Variants in ZSWIM6 observed in about 807,000 individuals in gnomAD.
ZSWIM6 encodes the protein zinc finger SWIM-type containing 6.
Under a neutral mutation model 113.2 loss-of-function variants are expected in ZSWIM6, and 9 were observed. The ratio of observed to expected loss-of-function variants is 0.08; its 90% CI spans 0.05 to 0.14. ZSWIM6 has a LOEUF of 0.14. Ranked by LOEUF, ZSWIM6 falls within the 10% of genes least tolerant of loss-of-function variation. ZSWIM6 has a pLI of 1.00. For synonymous variants in ZSWIM6, 611 were observed against 606.5 expected (o/e 1.01, Z -0.11); for missense variants, 1,162 against 1,552.2 (o/e 0.75, Z 4.22).
chr5:61,392,791 T>C lies in ZSWIM6; in HGVS notation c.676+59843T>C, dbSNP rs1745750910. Among the ~76,000 whole-genome samples the C allele has an allele frequency of 1.3e-5, 2 of 151,968 alleles. 1 individual carries two copies. Among genetic ancestry groups the C allele is most frequent in the Admixed American group, 1.3e-4 (2 of 15,268 alleles). ...CCACCCCCTGCTAATTTTGTATTTT[T>C]AGTAGAGACAGGGTTTCTCCATGTT... is the stretch of plus-strand genomic sequence containing the variant. On this transcript the variant is annotated intron_variant, in intron 1 of 13. Transcript: ENST00000252744.
At chr5:61,370,252 A>G (rs574272645) in intron 1 of ZSWIM6, among the ~76,000 whole-genome samples, 1 of 152,300 alleles carries the variant, frequency 6.6e-6, no homozygotes, top group South Asian at 2.1e-4. Context: ...CTCCCCTCCC[A>G]TTATTTAAAA....
At chr5:61,345,890 T>G (rs1409702375) in intron 1 of ZSWIM6, among the ~76,000 whole-genome samples, 1 of 152,206 alleles carries the variant, frequency 6.6e-6, no homozygotes, top group Non-Finnish European at 1.5e-5. Context: ...TAGTGAAAGG[T>G]GAATTGCTTG....
intron 1 of ZSWIM6, among the ~76,000 whole-genome samples, chr5:61,470,703 A>C (rs13171497): frequency 0.37 from 56,647 of 152,060 alleles, 10,688 homozygotes; most frequent in South Asian, 0.43. Flanking sequence ...TGAAAAAAAA[A>C]CCAAAGATTA....
intron 1 of ZSWIM6, among the ~76,000 whole-genome samples, chr5:61,433,424 A>G (rs1012339427): frequency 2.6e-5 from 4 of 151,864 alleles, no homozygotes; most frequent in African/African-American, 9.7e-5. Flanking sequence ...TGTAGTATAT[A>G]ATAGCTTAGC....
intron 1 of ZSWIM6, among the ~76,000 whole-genome samples, chr5:61,336,448 A>G (rs909686538): frequency 6.6e-6 from 1 of 152,176 alleles, no homozygotes; most frequent in Admixed American, 6.5e-5. Context: ...TGGAAAAGAG[A>G]TAAATTTAAT....
intron 1 of ZSWIM6, chr5:61,375,844 G>C: frequency 2.0e-6 from 2 of 976,140 alleles, no homozygotes; most frequent in Non-Finnish European, 3.2e-6. Context: ...TTCAAGTCCT[G>C]ACTCACCGTA....
chr5:61,496,106 T>C (rs930988526), intron 4 of ZSWIM6, among the ~76,000 whole-genome samples: 4 of 152,120 alleles, frequency 2.6e-5, no homozygotes, highest in African/African-American at 4.8e-5. Flanking sequence ...ATCAGAAATA[T>C]AAATTTTTAT....
intron 1 of ZSWIM6, among the ~76,000 whole-genome samples, chr5:61,410,571 G>A (rs1746133348): frequency 6.6e-6 from 1 of 152,176 alleles, no homozygotes; most frequent in Middle Eastern, 3.4e-3. Flanking sequence ...GCCTCCCAGA[G>A]TGCTGGGATT....
At chr5:61,339,760 A>G (rs1279995208) in intron 1 of ZSWIM6, among the ~76,000 whole-genome samples, 2 of 152,236 alleles carry the variant, frequency 1.3e-5, no homozygotes, top group East Asian at 3.8e-4. Context: ...GTTTTTAGCT[A>G]CCTTTCAAAT....
chr5:61,389,446 T>C (rs10054080), intron 1 of ZSWIM6, among the ~76,000 whole-genome samples: 5,005 of 149,422 alleles, frequency 0.033, 294 homozygotes, highest in African/African-American at 0.12. Context: ...TCCTGGCTAC[T>C]CGGGAGGCTG....
chr5:61,458,014 TG>T (rs1747241506), intron 1 of ZSWIM6, among the ~76,000 whole-genome samples: 1 of 152,206 alleles, frequency 6.6e-6, no homozygotes, highest in Non-Finnish European at 1.5e-5. Context: ...GAATTATTCT[TG>T]TTTTATCATT....
intron 1 of ZSWIM6, among the ~76,000 whole-genome samples, chr5:61,434,493 A>C (rs1448763641): frequency 6.7e-6 from 1 of 148,592 alleles, no homozygotes; most frequent in East Asian, 2.0e-4. Context: ...TATCATTCTT[A>C]TGCCTTCGCA....
At chr5:61,392,616 T>G (rs1745745562) in intron 1 of ZSWIM6, among the ~76,000 whole-genome samples, 1 of 152,186 alleles carries the variant, frequency 6.6e-6, no homozygotes, top group African/African-American at 2.4e-5. Context: ...CGGCATTTAT[T>G]TATTTATTTA....
chr5:61,404,126 G>C (rs1181006680), intron 1 of ZSWIM6, among the ~76,000 whole-genome samples: 1 of 151,754 alleles, frequency 6.6e-6, no homozygotes, highest in Non-Finnish European at 1.5e-5. Context: ...TCTTGCCTCA[G>C]CCTCCCGAGC....
intron 1 of ZSWIM6, among the ~76,000 whole-genome samples, chr5:61,367,602 A>G (rs1198425508): frequency 6.6e-6 from 1 of 152,188 alleles, no homozygotes; most frequent in African/African-American, 2.4e-5. Context: ...TAGCTTTCTC[A>G]AGATTGCATC....
intron 3 of ZSWIM6, among the ~76,000 whole-genome samples, chr5:61,493,269 G>A (rs764295203): frequency 5.9e-5 from 9 of 152,076 alleles, no homozygotes; most frequent in Non-Finnish European, 1.3e-4. Context: ...CCCCATCTGA[G>A]TGAGTAGAAG....
At chr5:61,461,652 A>G (rs1250069784) in intron 1 of ZSWIM6, among the ~76,000 whole-genome samples, 1 of 152,154 alleles carries the variant, frequency 6.6e-6, no homozygotes, top group African/African-American at 2.4e-5. Context: ...GGGTGTGGTT[A>G]TTACCAGGCT....
chr5:61,385,325 G>C (rs1745571949), intron 1 of ZSWIM6, among the ~76,000 whole-genome samples: 1 of 152,190 alleles, frequency 6.6e-6, no homozygotes, highest in East Asian at 1.9e-4. Flanking sequence ...GTATTCCTGG[G>C]TTGTCCGGGA....
chr5:61,435,761 G>T (rs1746692331), intron 1 of ZSWIM6, among the ~76,000 whole-genome samples: 1 of 151,948 alleles, frequency 6.6e-6, no homozygotes, highest in African/African-American at 2.4e-5. Context: ...TTCATTTTTG[G>T]TGGTAGTTTT....
Sources: gnomAD v4.1 joint callset for allele counts (sites outside exome capture counted in the v4.1 genomes callset) on GRCh38, gnomAD v4.1.1 for gene constraint, MANE v1.5 for transcripts, NCBI Gene and HGNC (gene_info 2026-07-23, HGNC 2026-07-21) for gene names.